Variants in RBFOX1 observed in about 807,000 individuals in gnomAD.
The protein encoded by RBFOX1 is RNA binding protein fox-1 homolog 1.
In RBFOX1, 8 loss-of-function variants were observed where a neutral mutation model predicts 57.7. That is an observed-to-expected ratio of 0.14 (90% CI 0.08 to 0.25). The LOEUF (loss-of-function observed/expected upper bound fraction) is 0.25, where lower values mean the gene tolerates loss of function less well. RBFOX1 is among the 10% of genes least tolerant of loss of function. The pLI is 1.00. For missense variants in RBFOX1, 611 were observed against 548.5 expected (o/e 1.11, Z -1.14); for synonymous variants, 326 against 222.4 (o/e 1.47, Z -4.15).
chr16:6,304,438 G>A (rs2079205189), intron 1 of RBFOX1, among the ~76,000 whole-genome samples: 1 of 152,120 alleles, frequency 6.6e-6, no homozygotes, highest in South Asian at 2.1e-4. Flanking sequence ...CATGGAACTG[G>A]TGGATTTAGC....
intron 4 of RBFOX1, among the ~76,000 whole-genome samples, chr16:5,953,502 T>C (rs1234452045): frequency 4.0e-5 from 6 of 151,810 alleles, no homozygotes; most frequent in Non-Finnish European, 7.4e-5. Context: ...TCCCACCCTT[T>C]CCCCCCGAGT....
chr16:5,765,277 C>T (rs2053735592), intron 3 of RBFOX1, among the ~76,000 whole-genome samples: 1 of 152,174 alleles, frequency 6.6e-6, no homozygotes, highest in African/African-American at 2.4e-5. Flanking sequence ...CAGCAGAGCA[C>T]TCCCCCAGTC....
intron 2 of RBFOX1, among the ~76,000 whole-genome samples, chr16:5,553,991 C>G (rs1010787215): frequency 3.6e-5 from 5 of 139,366 alleles, no homozygotes; most frequent in African/African-American, 1.3e-4. Context: ...TTTTTTGAGA[C>G]AGAGTCTTGC....
chr16:5,624,136 T>C (rs1029540260), intron 3 of RBFOX1, among the ~76,000 whole-genome samples: 1 of 152,200 alleles, frequency 6.6e-6, no homozygotes, highest in Admixed American at 6.5e-5. Context: ...TAGGTCACTT[T>C]TAATACTCGA....
chr16:6,982,207 C>G (rs1170306475), intron 3 of RBFOX1, among the ~76,000 whole-genome samples: 2 of 152,068 alleles, frequency 1.3e-5, no homozygotes, highest in Non-Finnish European at 2.9e-5. Context: ...TGAGAATGGT[C>G]CTGTGGTTGG....
intron 3 of RBFOX1, chr16:5,611,481 C>T (rs1349673034): frequency 1.3e-5 from 2 of 152,260 alleles, no homozygotes; most frequent in African/African-American, 4.8e-5. Flanking sequence ...GTTGTTGCTG[C>T]TGTGTTCCTT....
intron 4 of RBFOX1, among the ~76,000 whole-genome samples, chr16:7,352,089 C>A (rs925464561): frequency 1.3e-5 from 2 of 152,078 alleles, no homozygotes; most frequent in Non-Finnish European, 2.9e-5. Context: ...CTTGCAATTG[C>A]GGGGTGTATC....
chr16:6,995,069 C>G (rs955632990), intron 3 of RBFOX1, among the ~76,000 whole-genome samples: 9 of 151,656 alleles, frequency 5.9e-5, no homozygotes, highest in Non-Finnish European at 1.0e-4. Context: ...CTAAAACTCT[C>G]TGGGGTTAAG....
chr16:7,336,641 A>T (rs1472601548), intron 4 of RBFOX1, among the ~76,000 whole-genome samples: 4 of 152,248 alleles, frequency 2.6e-5, no homozygotes, highest in Non-Finnish European at 5.9e-5. Flanking sequence ...GAGGGAGGAA[A>T]TGATAGGTAA....
At chr16:6,027,663 A>G (rs2095221715) in intron 1 of RBFOX1, among the ~76,000 whole-genome samples, 1 of 152,218 alleles carries the variant, frequency 6.6e-6, no homozygotes, top group South Asian at 2.1e-4. Flanking sequence ...AGGGCTGACT[A>G]TGATAATCAT....
chr16:5,347,870 T>C (rs144577183), intron 1 of RBFOX1, among the ~76,000 whole-genome samples: 2,985 of 129,354 alleles, frequency 0.023, 124 homozygotes, highest in African/African-American at 0.084. Context: ...TTTCACTCAA[T>C]AATGCACTCA....
chr16:5,530,104 C>T (rs1346207375), intron 2 of RBFOX1, among the ~76,000 whole-genome samples: 3 of 152,168 alleles, frequency 2.0e-5, no homozygotes, highest in East Asian at 1.9e-4. Flanking sequence ...GCCACTCAGG[C>T]TATGGCACTT....
At chr16:7,259,409 C>CT (rs1284978999) in intron 4 of RBFOX1, among the ~76,000 whole-genome samples, 1 of 150,922 alleles carries the variant, frequency 6.6e-6, no homozygotes. Context: ...AGGGCAGGAA[C>CT]TTTTTTTTTA....
At chr16:7,426,827 G>A (rs1458790017) in intron 4 of RBFOX1, among the ~76,000 whole-genome samples, 1 of 152,176 alleles carries the variant, frequency 6.6e-6, no homozygotes, top group Non-Finnish European at 1.5e-5. Context: ...GGCTGTCTGG[G>A]GGACAGGTCC....
chr16:6,233,009 T>C (rs1181958155), intron 1 of RBFOX1, among the ~76,000 whole-genome samples: 2 of 152,090 alleles, frequency 1.3e-5, no homozygotes, highest in Non-Finnish European at 2.9e-5. Flanking sequence ...GCCATTCCCA[T>C]TGAATTCTAC....
At position 6,824,912 on chromosome 16, in the gene RBFOX1, T is replaced by C. The variant is rs1379125280; in HGVS notation, c.-16+170262T>C. 2.7e-5 allele frequency among the ~76,000 whole-genome samples: 4 copies of C among 150,788 alleles called. No homozygotes were observed. In the East Asian group the frequency reaches 7.8e-4, roughly 29 times the overall value. ...ATTGTTGGGTTCCTGCCATCTTCCC[T>C]AGAGGCAACCATTGGTACATGATTA... On this transcript the variant is annotated intron_variant, in intron 3 of 15. Transcript: ENST00000550418.
At chr16:7,200,255 G>C (rs1157438390) in intron 4 of RBFOX1, among the ~76,000 whole-genome samples, 1 of 152,176 alleles carries the variant, frequency 6.6e-6, no homozygotes, top group Non-Finnish European at 1.5e-5. Context: ...CTGTGGTTCT[G>C]AGATTTAAAG....
chr16:5,351,529 G>A (rs547927054), intron 1 of RBFOX1, among the ~76,000 whole-genome samples: 1 of 152,286 alleles, frequency 6.6e-6, no homozygotes, highest in Non-Finnish European at 1.5e-5. Context: ...TGGCCCCCAG[G>A]CATATATGAA....
rs181667783 is a variant in RBFOX1, at chr16:5,917,596, G to A, written c.351+50261G>A. Among the ~76,000 whole-genome samples the A allele has an allele frequency of 2.2e-3, 336 of 152,274 alleles. 1 individual carries two copies. Among genetic ancestry groups the A allele is most frequent in the South Asian group, 4.2e-3 (20 of 4,812 alleles). On this transcript the variant is annotated intron_variant, in intron 4 of 19. Transcript: ENST00000641259. ...GAGACTCAAACTCTGGACTGCACTG[G>A]GTGTGTCCATGTGAGTTCTGCCTCC...
Sources: allele counts gnomAD v4.1 joint callset (sites outside exome capture counted in the v4.1 genomes callset), GRCh38; gene constraint gnomAD v4.1.1; transcripts MANE v1.5; gene names NCBI Gene and HGNC (gene_info 2026-07-23, HGNC 2026-07-21).